MAP4K4: variants seen among roughly 807,000 people sequenced by gnomAD.
The protein encoded by MAP4K4 is HPK/GCK-like kinase HGK.
MAP4K4 carries 38 observed loss-of-function variants against 189.6 expected under a neutral mutation model. The observed-to-expected ratio is 0.20, with a 90% CI of 0.15 to 0.26. The LOEUF (loss-of-function observed/expected upper bound fraction) is 0.26. Among genes scored for constraint, MAP4K4 ranks in the 10% least tolerant of loss-of-function variants. The pLI is 1.00. For synonymous variants in MAP4K4, 610 were observed against 624.3 expected, an observed-to-expected ratio of 0.98 and a Z score of 0.34; for missense variants, 1,054 against 1,726.9, an observed-to-expected ratio of 0.61 and a Z score of 6.91.
At chr2:101,807,457 A>G (rs2095061881) in intron 3 of MAP4K4, among the ~76,000 whole-genome samples, 3 of 152,120 alleles carry the variant, frequency 2.0e-5, no homozygotes, top group African/African-American at 7.2e-5. Flanking sequence ...TAATGACATC[A>G]TAGTTCATAG....
chr2:101,720,038 A>G (rs1290883924), intron 2 of MAP4K4, among the ~76,000 whole-genome samples: 1 of 152,102 alleles, frequency 6.6e-6, no homozygotes, highest in Non-Finnish European at 1.5e-5. Flanking sequence ...AGGGGAGAAC[A>G]GTGGATGGAA....
At chr2:101,877,259 A>AACCACAT in intron 27 of MAP4K4, 113 bp downstream of exon 27, 1 of 1,040,988 alleles carries the variant, frequency 9.6e-7, no homozygotes, top group Non-Finnish European at 1.4e-6. Context: ...AATAAGGTAC[A>AACCACAT]ACCACATTGA....
chr2:101,785,711 T>C (rs1575520083), intron 2 of MAP4K4, among the ~76,000 whole-genome samples: 3 of 7,034 alleles, frequency 4.3e-4, no homozygotes, highest in African/African-American at 2.0e-3. Context: ...TCTCTCTCTC[T>C]CTCTCTCTCT....
chr2:101,777,185 G>A (rs1020354754), intron 2 of MAP4K4, among the ~76,000 whole-genome samples: 3 of 152,334 alleles, frequency 2.0e-5, no homozygotes, highest in Non-Finnish European at 4.4e-5. Context: ...ATTTTTAAGC[G>A]AAAGCCTCTC....
chr2:101,826,836 G>A (rs984481929), intron 5 of MAP4K4, among the ~76,000 whole-genome samples: 9 of 152,090 alleles, frequency 5.9e-5, no homozygotes, highest in African/African-American at 2.2e-4. Flanking sequence ...CTAATGTAAC[G>A]TGGATACATA....
At chr2:101,871,549 G>T in exon 24 of MAP4K4, 2 of 1,536,100 alleles carry the variant, frequency 1.3e-6, no homozygotes, top group Non-Finnish European at 1.7e-6. Context: ...TTTGCCGGTC[G>T]CATTCACCTC....
exon 33 of MAP4K4, chr2:101,892,191 A>G (rs1482413257): frequency 1.3e-5 from 2 of 148,700 alleles, no homozygotes; most frequent in East Asian, 3.8e-4. Flanking sequence ...TTCAAACCAC[A>G]TGTTTATTTT....
intron 2 of MAP4K4, among the ~76,000 whole-genome samples, chr2:101,744,086 T>G (rs2064037670): frequency 6.6e-6 from 1 of 152,168 alleles, no homozygotes; most frequent in Non-Finnish European, 1.5e-5. Flanking sequence ...AGTGGAAGAT[T>G]AGCGTGAAAC....
At chr2:101,712,257 C>T (rs35594274) in intron 2 of MAP4K4, among the ~76,000 whole-genome samples, 20,311 of 151,608 alleles carry the variant, frequency 0.13, 1,699 homozygotes, top group South Asian at 0.28. Flanking sequence ...TACAGTGGTG[C>T]GATCTCGGCT....
chr2:101,703,082 G>C (rs916788342), intron 2 of MAP4K4, among the ~76,000 whole-genome samples: 7 of 152,142 alleles, frequency 4.6e-5, no homozygotes, highest in African/African-American at 1.7e-4. Context: ...GAAAGATTTT[G>C]TTGGAATTGG....
chr2:101,776,386 G>A (rs932678878), intron 2 of MAP4K4, among the ~76,000 whole-genome samples: 1 of 152,112 alleles, frequency 6.6e-6, no homozygotes, highest in African/African-American at 2.4e-5. Flanking sequence ...GGACGCTGGA[G>A]AGCTCCTGCT....
chr2:101,743,013 A>G (rs1403219198), intron 2 of MAP4K4, among the ~76,000 whole-genome samples: 1 of 152,220 alleles, frequency 6.6e-6, no homozygotes, highest in East Asian at 1.9e-4. Context: ...TACTAAAATT[A>G]TAAATCTGTT....
intron 2 of MAP4K4, among the ~76,000 whole-genome samples, chr2:101,725,489 A>G (rs1385251295): frequency 1.3e-5 from 2 of 152,152 alleles, no homozygotes; most frequent in Non-Finnish European, 2.9e-5. Flanking sequence ...CTATAATCAC[A>G]AAAGGTAAAT....
At chr2:101,754,367 T>TGA (rs2071099891) in intron 2 of MAP4K4, among the ~76,000 whole-genome samples, 1 of 75,154 alleles carries the variant, frequency 1.3e-5, no homozygotes, top group Non-Finnish European at 2.5e-5. Flanking sequence ...TTTTTTTTTT[T>TGA]GAGAGATGGA....
At position 101,757,433 on chromosome 2, in the gene MAP4K4, A is replaced by G. The variant is rs951279408; in HGVS notation, c.124-33287A>G. On this transcript the variant is annotated intron_variant, in intron 2 of 32. Coordinates refer to ENST00000324219, the Ensembl canonical transcript of MAP4K4. ...GACTAGATCTACAGAAAACCAGTCA[A>G]ATCTGTAGCTCACAAATGGTAGAAG... is the stretch of plus-strand genomic sequence containing the variant. Among the ~76,000 whole-genome samples, 5 of 152,370 alleles carry G rather than the reference A, an allele frequency of 3.3e-5. No individual in the cohort carries two copies. In the East Asian group the frequency reaches 7.7e-4, roughly 23 times the overall value.
chr2:101,699,736 G>T (rs1194448484), intron 2 of MAP4K4, among the ~76,000 whole-genome samples: 1 of 152,176 alleles, frequency 6.6e-6, no homozygotes, highest in Non-Finnish European at 1.5e-5. Context: ...CTTCTAGCCT[G>T]GGTAGTGTAC....
At chr2:101,831,640 C>A in intron 6 of MAP4K4, 81 bp from the exon 7 acceptor site, 1 of 1,430,974 alleles carries the variant, frequency 7.0e-7, no homozygotes, top group Non-Finnish European at 9.6e-7. Flanking sequence ...GAAGACATTT[C>A]CTCCTTGTGT....
intron 3 of MAP4K4, among the ~76,000 whole-genome samples, chr2:101,810,232 C>T (rs2095328783): frequency 6.6e-6 from 1 of 152,100 alleles, no homozygotes; most frequent in Admixed American, 6.5e-5. Flanking sequence ...AAGATACATT[C>T]CTCAGCATCT....
intron 2 of MAP4K4, among the ~76,000 whole-genome samples, chr2:101,711,359 A>T (rs1440716267): frequency 6.6e-6 from 1 of 152,042 alleles, no homozygotes; most frequent in Non-Finnish European, 1.5e-5. Context: ...GGTTCAAGCA[A>T]TTCTCCTGCC....
Sources: allele counts gnomAD v4.1 joint callset (sites outside exome capture counted in the v4.1 genomes callset), GRCh38; gene constraint gnomAD v4.1.1; transcripts MANE v1.5; gene names NCBI Gene and HGNC (gene_info 2026-07-23, HGNC 2026-07-21).